The following SLC14A2 variants were observed in gnomAD, a reference collection of about 807,000 sequenced individuals.
SLC14A2 encodes urea transporter 2.
A neutral mutation model predicts 104.6 loss-of-function variants in SLC14A2; 91 were observed. That is an observed-to-expected ratio of 0.87 (90% CI 0.73 to 1.04). The LOEUF is 1.04. Among genes scored for constraint, SLC14A2 ranks in the 50% least tolerant of loss-of-function variants. The pLI is 0.00. For synonymous variants in SLC14A2, 476 were observed against 466.4 expected (o/e 1.02, Z -0.27); for missense variants, 1,189 against 1,156.0 (o/e 1.03, Z -0.41).
the SLC14A2 span, among the ~76,000 whole-genome samples, chr18:45,191,472 A>G: frequency 6.6e-6 from 1 of 152,172 alleles, no homozygotes; most frequent in Admixed American, 6.5e-5. Flanking sequence ...CCATATAACA[A>G]TTGTTTCAGA....
intron 2 of SLC14A2, among the ~76,000 whole-genome samples, chr18:45,497,824 C>T (rs1187875160): frequency 6.6e-6 from 1 of 152,172 alleles, no homozygotes; most frequent in East Asian, 1.9e-4. Flanking sequence ...GATCTGTCCC[C>T]AGCGAAAATG....
In SLC14A2 at chr18:45,668,017, G is replaced by A. The variant is rs766465290; in HGVS notation, c.1902G>A (p.Gln634=). Residue 634 remains glutamine, a synonymous_variant, in exon 14 of 20, where the codon CAG becomes CAA. Transcript: ENST00000255226. The stretch of plus-strand genomic sequence containing the variant: ...CCTTGACAGCCCTCATCCTGAGTCA[G>A]GACAAGTAAGTCCCAGAGGCTCAGG... ...MSTLTALILS[Q]DKSAIAAGFH... is the part of the protein sequence containing the mutation. 12 of 1,613,972 alleles carry A rather than the reference G, an allele frequency of 7.4e-6. No homozygotes were observed. In the South Asian group the frequency reaches 1.1e-4, roughly 15 times the overall value.
chr18:45,387,678 G>A (rs2085912877), intron 1 of SLC14A2, among the ~76,000 whole-genome samples: 1 of 152,134 alleles, frequency 6.6e-6, no homozygotes, highest in African/African-American at 2.4e-5. Flanking sequence ...GGATGGCTTT[G>A]GGGACAGGGT....
chr18:45,339,297 C>A (rs1033073361), intron 1 of SLC14A2, among the ~76,000 whole-genome samples: 1 of 152,140 alleles, frequency 6.6e-6, no homozygotes, highest in Admixed American at 6.6e-5. Context: ...GACAAGACTG[C>A]CTGTACAACA....
At position 45,683,070 on chromosome 18, in the gene SLC14A2, G is replaced by C. The variant is rs1356355272; in HGVS notation, c.*551G>C. ...GATCACGCCACTGCACTCCAGCCTG[G>C]GCAACGGAGTGAGACTCTGTCTCAA... On this transcript the variant is annotated 3_prime_UTR_variant, in exon 20 of 20. Transcript: ENST00000255226. 3 of 154,376 alleles carry C rather than the reference G, an allele frequency of 1.9e-5. No individual in the cohort carries two copies. The highest frequency in any genetic ancestry group is 7.3e-5 in the African/African-American group (3 of 41,184). The allele number at this position is 154,376 out of a possible 1,614,324, so 9.6% of individuals were successfully genotyped here.
chr18:45,610,012 G>A (rs1387515470), intron 2 of SLC14A2, among the ~76,000 whole-genome samples: 1 of 152,164 alleles, frequency 6.6e-6, no homozygotes, highest in Non-Finnish European at 1.5e-5. Context: ...ATCTGATTTT[G>A]CTTGCTTACT....
chr18:45,472,247 G>T (rs1396205658), intron 1 of SLC14A2, among the ~76,000 whole-genome samples: 1 of 152,152 alleles, frequency 6.6e-6, no homozygotes, highest in Non-Finnish European at 1.5e-5. Context: ...TGGTGTATTT[G>T]TGCCACATTT....
the SLC14A2 span, among the ~76,000 whole-genome samples, chr18:45,194,117 C>A: frequency 1.3e-5 from 2 of 152,180 alleles, no homozygotes; most frequent in African/African-American, 4.8e-5. Flanking sequence ...ATTGGATTTT[C>A]TCCAGAAATG....
chr18:45,334,748 A>G (rs1466159647), intron 1 of SLC14A2, among the ~76,000 whole-genome samples: 1 of 152,138 alleles, frequency 6.6e-6, no homozygotes, highest in African/African-American at 2.4e-5. Context: ...TAGCTGTGAG[A>G]TGCTGGGAGC....
At chr18:45,621,581 G>A (rs888152635) in intron 1 of SLC14A2, among the ~76,000 whole-genome samples, 6 of 152,086 alleles carry the variant, frequency 3.9e-5, no homozygotes, top group South Asian at 2.1e-4. Flanking sequence ...GCTCACAGTC[G>A]CTTCCTCCCC....
chr18:45,464,003 T>C (rs1186660270), intron 1 of SLC14A2, among the ~76,000 whole-genome samples: 5 of 152,174 alleles, frequency 3.3e-5, no homozygotes, highest in African/African-American at 4.8e-5. Context: ...AGTAGACTGG[T>C]TGGAAGAACA....
chr18:45,569,379 C>T (rs2044314529), intron 2 of SLC14A2, among the ~76,000 whole-genome samples: 1 of 152,210 alleles, frequency 6.6e-6, no homozygotes, highest in South Asian at 2.1e-4. Flanking sequence ...TTACTCTATT[C>T]TAAATGATTC....
At chr18:45,503,452 T>G (rs989033421) in intron 2 of SLC14A2, among the ~76,000 whole-genome samples, 1 of 152,182 alleles carries the variant, frequency 6.6e-6, no homozygotes, top group Admixed American at 6.5e-5. Context: ...ACTAACTCAG[T>G]GTCTGGTTCT....
At chr18:45,574,224 G>A (rs951051636) in intron 2 of SLC14A2, among the ~76,000 whole-genome samples, 1 of 152,174 alleles carries the variant, frequency 6.6e-6, no homozygotes, top group Non-Finnish European at 1.5e-5. Context: ...GCTTGTGTAT[G>A]CATGTGTGTG....
intron 2 of SLC14A2, among the ~76,000 whole-genome samples, chr18:45,532,914 T>A (rs2043719623): frequency 6.6e-6 from 1 of 152,148 alleles, no homozygotes; most frequent in East Asian, 1.9e-4. Context: ...TGAAGGGTTG[T>A]TGAATTTTGT....
At chr18:45,432,913 AT>A (rs2086539387) in intron 1 of SLC14A2, among the ~76,000 whole-genome samples, 1 of 152,122 alleles carries the variant, frequency 6.6e-6, no homozygotes, top group Non-Finnish European at 1.5e-5. Flanking sequence ...CCTTTTGTAC[AT>A]TTTTTGTGCA....
intron 2 of SLC14A2, among the ~76,000 whole-genome samples, chr18:45,594,830 G>A (rs1050028361): frequency 3.3e-5 from 5 of 152,118 alleles, no homozygotes; most frequent in Non-Finnish European, 5.9e-5. Context: ...CAGATTTCAT[G>A]GTTCATCACT....
chr18:45,257,754 G>A (rs1050031431), intron 1 of SLC14A2, among the ~76,000 whole-genome samples: 2 of 152,124 alleles, frequency 1.3e-5, no homozygotes, highest in Non-Finnish European at 2.9e-5. Flanking sequence ...TAGGACCCAA[G>A]GGCCCCATAG....
chr18:45,414,757 A>AAAATATATATATATAT (rs1360051908), intron 1 of SLC14A2, among the ~76,000 whole-genome samples: 2 of 76,110 alleles, frequency 2.6e-5, no homozygotes, highest in Admixed American at 1.7e-4. Flanking sequence ...AAAAAAAAAA[A>AAAATATATATATATAT]ATATATATAT....
Sources: allele counts gnomAD v4.1 joint callset (sites outside exome capture counted in the v4.1 genomes callset), GRCh38; gene constraint gnomAD v4.1.1; transcripts MANE v1.5; gene names NCBI Gene and HGNC (gene_info 2026-07-23, HGNC 2026-07-21).